The following GON4L variants were observed in gnomAD, a reference collection of about 807,000 sequenced individuals.
The protein encoded by GON4L is gon-4 like.
GON4L carries 87 observed loss-of-function variants against 211.8 expected under a neutral mutation model. The ratio of observed to expected loss-of-function variants is 0.41; its 90% CI spans 0.35 to 0.49. GON4L has a LOEUF of 0.49. Among genes scored for constraint, GON4L ranks in the 20% least tolerant of loss-of-function variants. The pLI, the probability that GON4L is intolerant of heterozygous loss-of-function variation, is 0.15. For synonymous variants in GON4L, 875 were observed against 962.6 expected, an observed-to-expected ratio of 0.91 and a Z score of 1.68; for missense variants, 2,155 against 2,659.5, an observed-to-expected ratio of 0.81 and a Z score of 4.17.
At chr1:155,826,566 CAA>C (rs58848983) in intron 3 of GON4L, among the ~76,000 whole-genome samples, 17 of 63,756 alleles carry the variant, frequency 2.7e-4, no homozygotes, top group Non-Finnish European at 2.0e-4. Flanking sequence ...AACTCCGTCT[CAA>C]AAAAAAAAAA....
intron 9 of GON4L, 35 bp from the exon 10 acceptor site, chr1:155,813,839 G>A (rs1667998378): frequency 6.3e-7 from 1 of 1,589,946 alleles, no homozygotes; most frequent in East Asian, 2.2e-5. Flanking sequence ...AAAAAAGGAA[G>A]GAGGTAAGAA....
intron 31 of GON4L, 104 bp downstream of exon 31, chr1:155,751,663 C>A: frequency 1.3e-6 from 1 of 780,180 alleles, no homozygotes. Flanking sequence ...TTTACAAAAA[C>A]CACTTATTAT....
At chr1:155,794,990 A>G in intron 12 of GON4L, 60 bp downstream of exon 12, 1 of 976,554 alleles carries the variant, frequency 1.0e-6, no homozygotes, top group Non-Finnish European at 1.7e-6. Flanking sequence ...AAATCTACAA[A>G]GTAAACAAAG....
At chr1:155,785,447 A>ACG in intron 12 of GON4L, 73 bp from the exon 13 acceptor site, 4 of 1,055,186 alleles carry the variant, frequency 3.8e-6, no homozygotes, top group Non-Finnish European at 6.0e-6. Flanking sequence ...CATGAAGACA[A>ACG]TGTATAATGT....
At chr1:155,838,630 C>G (rs911143462) in intron 2 of GON4L, among the ~76,000 whole-genome samples, 4 of 152,054 alleles carry the variant, frequency 2.6e-5, no homozygotes, top group Admixed American at 2.6e-4. Context: ...CAAAAATTAG[C>G]CAGGCGTGGT....
chr1:155,780,082 A>G (rs529582696), intron 14 of GON4L, among the ~76,000 whole-genome samples: 4 of 152,156 alleles, frequency 2.6e-5, no homozygotes, highest in African/African-American at 9.6e-5. Flanking sequence ...TACAGGCGTG[A>G]GCCACTGCAC....
chr1:155,753,453 G>T, intron 28 of GON4L, 39 bp from the exon 29 acceptor site: 1 of 1,495,664 alleles, frequency 6.7e-7, no homozygotes, highest in Non-Finnish European at 9.3e-7. Flanking sequence ...TGTTCTGACT[G>T]CCTATGTCTT....
chr1:155,754,032 G>T, intron 28 of GON4L: 1 of 371,114 alleles, frequency 2.7e-6, no homozygotes, highest in Non-Finnish European at 5.2e-6. Flanking sequence ...ACCAAGAACT[G>T]TGTTTTTCCT....
At chr1:155,852,462 G>T (rs1671879216) in intron 2 of GON4L, among the ~76,000 whole-genome samples, 1 of 152,170 alleles carries the variant, frequency 6.6e-6, no homozygotes, top group Admixed American at 6.6e-5. Context: ...GGATACAATG[G>T]CTGGGTGCAG....
intron 19 of GON4L, among the ~76,000 whole-genome samples, chr1:155,768,547 C>T (rs1385145989): frequency 1.4e-5 from 2 of 147,236 alleles, no homozygotes; most frequent in African/African-American, 5.1e-5. Flanking sequence ...GGAGGCGGAG[C>T]TTGCAGTGAG....
At chr1:155,800,488 C>A (rs984791118) in intron 11 of GON4L, among the ~76,000 whole-genome samples, 2 of 151,416 alleles carry the variant, frequency 1.3e-5, no homozygotes, top group Admixed American at 1.3e-4. Flanking sequence ...ACCTGAGAGG[C>A]GGAGGTTGCG....
Position 155,786,698 on chromosome 1 carries a change from C to T in GON4L, c.1748-1324G>A, listed in dbSNP as rs55672520. On this transcript the variant is annotated intron_variant, in intron 12 of 31. Coordinates refer to ENST00000368331, the MANE Select transcript of GON4L (RefSeq NM_001282860.2). Reference sequence around the variant, plus strand: ...TGAAAGGGACTGCCAATCCAACAGACGGAAAATTCAAAATTATATTTTCTC... The same window carrying T: ...TGAAAGGGACTGCCAATCCAACAGATGGAAAATTCAAAATTATATTTTCTC... Among the ~76,000 whole-genome samples the T allele has an allele frequency of 2.6e-3, 393 of 152,182 alleles. 1 individual carries two copies. The highest frequency in any genetic ancestry group is 4.1e-3 in the Admixed American group (62 of 15,276).
Position 155,757,192 on chromosome 1 carries a change from T to G in GON4L, c.5385A>C (p.Glu1795Asp), listed in dbSNP as rs1327860308. 2.5e-6 allele frequency: 4 copies of G among 1,613,820 alleles called. No homozygotes were observed. Among genetic ancestry groups the G allele is most frequent in the Non-Finnish European group, 3.4e-6 (4 of 1,179,894 alleles). ...GDFEEINWTE[E>D]KEYEFDGFEE... ...TTAGGTCCTATACCTCATACTCCTT[T>G]TCCTCAGTCCAATTGATCTCTTCAA... Residue 1795 changes from glutamate (E) to aspartate (D), a missense_variant, in exon 26 of 32, where the codon GAA (glutamate) becomes GAC (aspartate). Physicochemically the swap from Glu to Asp is conservative, Grantham distance 45. Coordinates refer to ENST00000368331, the MANE Select transcript of GON4L (RefSeq NM_001282860.2).
At chr1:155,771,999 C>T (rs976282544) in intron 18 of GON4L, among the ~76,000 whole-genome samples, 3 of 152,024 alleles carry the variant, frequency 2.0e-5, no homozygotes, top group Non-Finnish European at 2.9e-5. Flanking sequence ...CTCGTCTCTA[C>T]TAAAAATACA....
intron 17 of GON4L, among the ~76,000 whole-genome samples, chr1:155,773,609 T>G (rs1177952324): frequency 1.3e-5 from 2 of 152,214 alleles, no homozygotes; most frequent in Non-Finnish European, 2.9e-5. Flanking sequence ...TCCAACTTCT[T>G]TAATCTCCCT....
chr1:155,761,104 G>C (rs926551733), intron 23 of GON4L, among the ~76,000 whole-genome samples: 3 of 151,436 alleles, frequency 2.0e-5, no homozygotes, highest in East Asian at 1.9e-4. Flanking sequence ...GGGGATAAAG[G>C]AATCAGGTGG....
Position 155,844,054 on chromosome 1 carries a change from T to A in GON4L, c.505+9222A>T, listed in dbSNP as rs563014855. On this transcript the variant is annotated intron_variant, in intron 2 of 31. Transcript: ENST00000368331. ...CAGGGGGTATCCATTCATAACCCCA[T>A]AAAATCTAGAAAAACAAGAAGTAAA... Among the ~76,000 whole-genome samples the A allele has an allele frequency of 3.9e-5, 6 of 152,302 alleles. No homozygotes were observed. In the East Asian group the frequency reaches 1.2e-3, roughly 29 times the overall value.
Position 155,814,829 on chromosome 1 carries a change from C to T in GON4L, c.1162-380G>A, listed in dbSNP as rs963367780. On this transcript the variant is annotated intron_variant, in intron 8 of 31. Transcript: ENST00000368331. ...TAAAATTTAAATAGAAACTTAAAGG[C>T]CAGGTGCAGTCAGTGTCTTATGCCT... 9.2e-5 allele frequency among the ~76,000 whole-genome samples: 14 copies of T among 152,082 alleles called. No homozygotes were observed. In the East Asian group the frequency reaches 2.3e-3, roughly 25 times the overall value.
intron 12 of GON4L, among the ~76,000 whole-genome samples, chr1:155,787,202 G>A (rs914920838): frequency 2.6e-5 from 4 of 152,080 alleles, no homozygotes; most frequent in Admixed American, 6.6e-5. Context: ...GAGCTACCGC[G>A]CCCAGCAAGA....
Sources: gnomAD v4.1 joint callset for allele counts (sites outside exome capture counted in the v4.1 genomes callset) on GRCh38, gnomAD v4.1.1 for gene constraint, MANE v1.5 for transcripts, NCBI Gene and HGNC (gene_info 2026-07-23, HGNC 2026-07-21) for gene names.